Variants in ARHGEF7 observed in about 807,000 individuals in gnomAD.
ARHGEF7 encodes PAK-interacting exchange factor beta.
ARHGEF7 carries 33 observed loss-of-function variants against 109.8 expected under a neutral mutation model. The observed-to-expected ratio is 0.30, with a 90% CI of 0.23 to 0.40. ARHGEF7 has a LOEUF of 0.40. Ranked by LOEUF, ARHGEF7 falls within the 10% of genes least tolerant of loss-of-function variation. The pLI, the probability that ARHGEF7 is intolerant of heterozygous loss-of-function variation, is 1.00. For synonymous variants in ARHGEF7, 458 were observed against 424.6 expected (o/e 1.08, Z -0.97); for missense variants, 938 against 1,098.5 (o/e 0.85, Z 2.07).
At chr13:111,122,141 G>A (rs2067240268) in intron 1 of ARHGEF7, among the ~76,000 whole-genome samples, 1 of 152,236 alleles carries the variant, frequency 6.6e-6, no homozygotes, top group South Asian at 2.1e-4. Context: ...CTGGGTTGGT[G>A]GGCCTGCTGA....
intron 5 of ARHGEF7, among the ~76,000 whole-genome samples, chr13:111,231,703 C>G (rs1330649508): frequency 6.6e-6 from 1 of 152,110 alleles, no homozygotes; most frequent in African/African-American, 2.4e-5. Flanking sequence ...CCCCAGGACA[C>G]TGAGATTGTG....
At chr13:111,281,262 G>C (rs1289055598) in intron 15 of ARHGEF7, among the ~76,000 whole-genome samples, 1 of 135,214 alleles carries the variant, frequency 7.4e-6, no homozygotes, top group Non-Finnish European at 1.5e-5. Flanking sequence ...AACCTCTCCT[G>C]GTGTTTTGTG....
At chr13:111,279,144 C>T (rs2092648336) in intron 13 of ARHGEF7, among the ~76,000 whole-genome samples, 1 of 152,226 alleles carries the variant, frequency 6.6e-6, no homozygotes. Flanking sequence ...GGACTTACAG[C>T]TGTTAAAGTA....
intron 10 of ARHGEF7, 142 bp from the exon 11 acceptor site, chr13:111,274,589 A>G: frequency 2.3e-6 from 1 of 431,722 alleles, no homozygotes; most frequent in East Asian, 3.6e-5. Context: ...TTGCTGAAAG[A>G]CTGACACTTT....
At chr13:111,164,448 C>G (rs2076972582) in intron 2 of ARHGEF7, among the ~76,000 whole-genome samples, 1 of 152,254 alleles carries the variant, frequency 6.6e-6, no homozygotes, top group Non-Finnish European at 1.5e-5. Flanking sequence ...TACCTGGTGA[C>G]AGGGCCTGCC....
Position 111,259,205 on chromosome 13 carries a change from C to T in ARHGEF7, c.951-8343C>T, listed in dbSNP as rs143644509. On this transcript the variant is annotated intron_variant, in intron 8 of 21. Transcript: ENST00000646102. ...CGTGCCCATCTGGCTTTGCCACCTGCCGATTGTAGTGCCCCAGGGTCTTGA... is the reference window on the plus strand; with the variant it reads ...CGTGCCCATCTGGCTTTGCCACCTGTCGATTGTAGTGCCCCAGGGTCTTGA... Among the ~76,000 whole-genome samples, 109 of 152,292 alleles carry T rather than the reference C, an allele frequency of 7.2e-4. 1 individual carries two copies. The East Asian group carries it at 0.013, about 19-fold the overall frequency.
At chr13:111,269,805 C>G (rs770130602) in intron 9 of ARHGEF7, among the ~76,000 whole-genome samples, 2 of 152,184 alleles carry the variant, frequency 1.3e-5, no homozygotes, top group African/African-American at 4.8e-5. Flanking sequence ...CCTCCCCACC[C>G]CAAAGACACA....
chr13:111,251,328 G>A (rs1479028143), intron 8 of ARHGEF7, among the ~76,000 whole-genome samples: 2 of 152,246 alleles, frequency 1.3e-5, no homozygotes, highest in East Asian at 1.9e-4. Context: ...TGTGAATGGA[G>A]AGGAGTGGAA....
intron 5 of ARHGEF7, among the ~76,000 whole-genome samples, chr13:111,230,895 G>A (rs765046979): frequency 3.3e-5 from 5 of 152,198 alleles, no homozygotes; most frequent in Non-Finnish European, 5.9e-5. Context: ...TTATTTTTAT[G>A]TAATGTTAGT....
chr13:111,221,434 GATATAT>G (rs1393341608), intron 5 of ARHGEF7, among the ~76,000 whole-genome samples: 18 of 1,958 alleles, frequency 9.2e-3, no homozygotes, highest in Admixed American at 0.05. Flanking sequence ...TCTATATATA[GATATAT>G]ATATCTATAT....
At chr13:111,230,068 C>A (rs1209552164) in intron 5 of ARHGEF7, among the ~76,000 whole-genome samples, 2 of 152,114 alleles carry the variant, frequency 1.3e-5, no homozygotes, top group African/African-American at 4.8e-5. Context: ...GTCTCCCCTC[C>A]CCTAGTGAGA....
chr13:111,225,802 T>C (rs2085134257), intron 5 of ARHGEF7, among the ~76,000 whole-genome samples: 1 of 152,134 alleles, frequency 6.6e-6, no homozygotes, highest in South Asian at 2.1e-4. Flanking sequence ...CCCATGTTTT[T>C]CCCCAGGCCA....
intron 2 of ARHGEF7, among the ~76,000 whole-genome samples, chr13:111,175,975 C>T (rs888566824): frequency 6.6e-6 from 1 of 152,178 alleles, no homozygotes; most frequent in Non-Finnish European, 1.5e-5. Flanking sequence ...ACCATCAGAT[C>T]TTGTGAGAAC....
intron 2 of ARHGEF7, among the ~76,000 whole-genome samples, chr13:111,202,053 G>A (rs1270117786): frequency 6.6e-6 from 1 of 152,200 alleles, no homozygotes; most frequent in Non-Finnish European, 1.5e-5. Context: ...TTCATTTTGG[G>A]AGTATCGGAT....
intron 19 of ARHGEF7, among the ~76,000 whole-genome samples, chr13:111,299,825 G>T (rs560054998): frequency 3.9e-5 from 6 of 152,288 alleles, no homozygotes; most frequent in Non-Finnish European, 7.3e-5. Context: ...GTTAGCGAGC[G>T]TGTCTCCAAC....
intron 1 of ARHGEF7, among the ~76,000 whole-genome samples, chr13:111,127,803 T>C (rs966155632): frequency 6.6e-6 from 1 of 152,068 alleles, no homozygotes; most frequent in African/African-American, 2.4e-5. Context: ...ATAACCCCTA[T>C]GAACATAGAT....
Position 111,154,007 on chromosome 13 carries a change from C to G in ARHGEF7, c.252+16C>G, listed in dbSNP as rs778867739. The G allele has an allele frequency of 7.5e-6, 12 of 1,593,306 alleles. 2 individuals are homozygous for G. The highest frequency in any genetic ancestry group is 1.9e-4 in the Middle Eastern group (1 of 5,332). On this transcript the variant is annotated intron_variant, in intron 2 of 21. Transcript: ENST00000646102. Reference sequence around the variant, plus strand: ...GCGGCTGGAGGTGAGCGCGGGCGGCCACGGGCCGAGGGAGGGGCCGGGAAG... The same window carrying G: ...GCGGCTGGAGGTGAGCGCGGGCGGCGACGGGCCGAGGGAGGGGCCGGGAAG...
chr13:111,150,779 C>A (rs2075848894), intron 1 of ARHGEF7, among the ~76,000 whole-genome samples: 2 of 152,172 alleles, frequency 1.3e-5, no homozygotes, highest in Admixed American at 1.3e-4. Flanking sequence ...CCCTGAGGGG[C>A]TGGACGAGAG....
At chr13:111,260,783 A>C (rs1432647808) in intron 8 of ARHGEF7, among the ~76,000 whole-genome samples, 1 of 152,240 alleles carries the variant, frequency 6.6e-6, no homozygotes, top group Non-Finnish European at 1.5e-5. Flanking sequence ...AAAAAACTAC[A>C]AGTTTTCAAG....
Sources: gnomAD v4.1 joint callset for allele counts (sites outside exome capture counted in the v4.1 genomes callset) on GRCh38, gnomAD v4.1.1 for gene constraint, MANE v1.5 for transcripts, NCBI Gene and HGNC (gene_info 2026-07-23, HGNC 2026-07-21) for gene names.